Variants in LSR observed in about 807,000 individuals in gnomAD.
LSR encodes the protein lipolysis-stimulated lipoprotein receptor.
A neutral mutation model predicts 61.8 loss-of-function variants in LSR; 44 were observed. The observed-to-expected ratio is 0.71, with a 90% CI of 0.56 to 0.91. The LOEUF is 0.91. LSR is among the 40% of genes least tolerant of loss of function. LSR has a pLI of 0.00. For missense variants in LSR, 911 were observed against 830.5 expected (o/e 1.10, Z -1.19); for synonymous variants, 397 against 350.6 (o/e 1.13, Z -1.48).
intron 2 of LSR, 38 bp from the exon 3 acceptor site, chr19:35,258,906 GC>G (rs1166976566): frequency 6.2e-7 from 1 of 1,612,394 alleles, no homozygotes; most frequent in African/African-American, 1.3e-5. Flanking sequence ...AGGTGCCCCA[GC>G]CTCCAAGGTG....
At chr19:35,255,504 C>A (rs2065845392) in intron 2 of LSR, among the ~76,000 whole-genome samples, 1 of 152,152 alleles carries the variant, frequency 6.6e-6, no homozygotes, top group Non-Finnish European at 1.5e-5. Flanking sequence ...GTAATCCCAG[C>A]ACTTTGGGAG....
At chr19:35,252,561 ATCGCTTGAACCCAGGAGGCAGAGG>A (rs1454414381) in intron 2 of LSR, among the ~76,000 whole-genome samples, 1 of 149,596 alleles carries the variant, frequency 6.7e-6, no homozygotes, top group Admixed American at 6.7e-5. Flanking sequence ...AGGCATGAGA[ATCGCTTGAACCCAGGAGGCAGAGG>A]TTGCAGTGAG....
chr19:35,252,120 C>A (rs1388137651), intron 2 of LSR, among the ~76,000 whole-genome samples: 2 of 151,968 alleles, frequency 1.3e-5, no homozygotes, highest in Non-Finnish European at 2.9e-5. Flanking sequence ...AGGCGTGAGC[C>A]ACCGCGCCCG....
intron 5 of LSR, among the ~76,000 whole-genome samples, chr19:35,263,807 C>T (rs1281562333): frequency 6.6e-6 from 1 of 151,052 alleles, no homozygotes; most frequent in Non-Finnish European, 1.5e-5. Context: ...TAAACTTAAG[C>T]AAATTTTTTT....
At position 35,266,706 on chromosome 19, in the gene LSR, T is replaced by G; in HGVS notation, c.980T>G (p.Leu327Arg). ...SAGGQGSYVP[L>R]LRDTDSSVAS... ...GGTGGCCAAGGCTCCTATGTACCCC[T>G]GCTTCGGGACACGGACAGCAGTGTG... Residue 327 changes from leucine (L) to arginine (R), a missense_variant, in exon 7 of 10, where the codon CTG (leucine) becomes CGG (arginine). By Grantham distance (102) the Leu-to-Arg change is moderately radical. Transcript: ENST00000605618. The G allele has an allele frequency of 6.2e-7, 1 of 1,609,288 alleles. No individual in the cohort carries two copies. The highest frequency in any genetic ancestry group is 8.5e-7 in the Non-Finnish European group (1 of 1,178,176).
At chr19:35,256,613 T>C (rs970339812) in intron 2 of LSR, among the ~76,000 whole-genome samples, 3 of 152,240 alleles carry the variant, frequency 2.0e-5, no homozygotes, top group African/African-American at 7.2e-5. Flanking sequence ...GTCTAGAGGC[T>C]GCAGTTTGAG....
chr19:35,259,387 C>G (rs1292894466), intron 3 of LSR: 1 of 208,898 alleles, frequency 4.8e-6, no homozygotes, highest in African/African-American at 2.4e-5. Flanking sequence ...TGCCTGTAAT[C>G]CCAGCACTTT....
Position 35,250,543 on chromosome 19 carries a change from A to G in LSR, c.338A>G (p.Asn113Ser), listed in dbSNP as rs1234874281. The G allele has an allele frequency of 1.2e-6, 2 of 1,613,794 alleles. No individual in the cohort carries two copies. The highest frequency in any genetic ancestry group is 4.5e-5 in the East Asian group (2 of 44,886). Reference protein sequence around the residue: ...AQLAAGNPGYNPYVECQDSVR... With the variant: ...AQLAAGNPGYSPYVECQDSVR... ...CTGGCAGCCGGGAACCCAGGCTACAACCCCTACGTTGAGTGCCAGGACAGC... is the reference window on the plus strand; with the variant it reads ...CTGGCAGCCGGGAACCCAGGCTACAGCCCCTACGTTGAGTGCCAGGACAGC... The change falls in exon 2 of 10, where the codon AAC becomes AGC. Residue 113 changes from asparagine (N) to serine (S), a missense_variant. Asn to Ser is a conservative substitution (Grantham distance 46). Coordinates refer to ENST00000605618, the MANE Select transcript of LSR (RefSeq NM_205834.4).
rs201814864 is a variant in LSR at position 35,266,419 on chromosome 19, A to C, written c.839A>C (p.Tyr280Ser). Residue 280 changes from tyrosine (Y) to serine (S), a missense_variant, in exon 6 of 10, where the codon TAT (tyrosine) becomes TCT (serine). Transcript: ENST00000605618. ...GVPSIYAPST[Y>S]AHLSPAKTPP... ...CCCAGCATTTATGCCCCCAGCACCT[A>C]TGCCCACCTGTCTCCCGCCAAGACC... The C allele has an allele frequency of 1.8e-4, 290 of 1,611,788 alleles. No homozygotes were observed. The highest frequency in any genetic ancestry group is 2.3e-4 in the Admixed American group (14 of 59,750).
chr19:35,253,943 C>T (rs895288669), intron 2 of LSR, among the ~76,000 whole-genome samples: 3 of 152,166 alleles, frequency 2.0e-5, no homozygotes, highest in African/African-American at 7.2e-5. Flanking sequence ...AAACCACCCC[C>T]ACCTGGGCCT....
chr19:35,250,927 C>G (rs968682378), intron 2 of LSR, among the ~76,000 whole-genome samples: 1 of 151,838 alleles, frequency 6.6e-6, no homozygotes, highest in African/African-American at 2.4e-5. Context: ...TCCCGAGTAG[C>G]TGGGACTCCA....
At chr19:35,251,895 C>T (rs1214512411) in intron 2 of LSR, among the ~76,000 whole-genome samples, 2 of 139,764 alleles carry the variant, frequency 1.4e-5, no homozygotes, top group African/African-American at 5.4e-5. Flanking sequence ...AGTGCAGTGG[C>T]GGGATCTCGG....
Position 35,267,917 on chromosome 19 carries a change from G to T in LSR, c.*58G>T, listed in dbSNP as rs373904684. 1.2e-5 allele frequency: 19 copies of T among 1,576,596 alleles called. No individual in the cohort carries two copies. Among genetic ancestry groups the T allele is most frequent in the Admixed American group, 1.7e-5 (1 of 59,556 alleles). On this transcript the variant is annotated 3_prime_UTR_variant, in exon 10 of 10. Coordinates refer to ENST00000605618, the MANE Select transcript of LSR (RefSeq NM_205834.4). ...TTTTTTAATTTGAAGGAACACTGAT[G>T]AAGCCCTGCCATACCCCTCCCGAGT...
rs769980659 is a variant in LSR, at chr19:35,267,562, C to T, written c.1598C>T (p.Ser533Phe). Residue 533 changes from serine (S) to phenylalanine (F), a missense_variant, in exon 9 of 10, where the codon TCC becomes TTC. Ser to Phe is a radical substitution (Grantham distance 155). Coordinates refer to ENST00000605618, the MANE Select transcript of LSR (RefSeq NM_205834.4). ...TRDPRDNGSR[S>F]GDLPYDGRLL... ...GACCCTCGGGACAACGGCTCCAGGT[C>T]CGGGGACCTCCCCTATGATGGGCGG... 1.9e-6 allele frequency: 3 copies of T among 1,612,178 alleles called. No homozygotes were observed. The highest frequency in any genetic ancestry group is 2.5e-6 in the Non-Finnish European group (3 of 1,179,754).
chr19:35,259,727 A>C (rs1054309373), intron 3 of LSR, among the ~76,000 whole-genome samples: 1 of 152,054 alleles, frequency 6.6e-6, no homozygotes, highest in African/African-American at 2.4e-5. Context: ...CTCTTGCTAC[A>C]TCCCCAAGGC....
chr19:35,266,506 C>T lies in LSR; in HGVS notation c.926C>T (p.Pro309Leu), dbSNP rs749086435. 1.9e-6 allele frequency: 3 copies of T among 1,608,996 alleles called. No individual in the cohort carries two copies. Among genetic ancestry groups the T allele is most frequent in the Non-Finnish European group, 2.5e-6 (3 of 1,176,982 alleles). ...PAYNGYPGGY[P>L]GDVDRSSSAG... is the part of the protein sequence containing the mutation. ...TACAACGGGTACCCTGGAGGATACC[C>T]TGGAGACGTTGACAGGAGTAGCTCA... Residue 309 changes from proline to leucine, a missense_variant, in exon 6 of 10, where the codon CCT (proline) becomes CTT (leucine). Pro to Leu is a moderately conservative substitution (Grantham distance 98). Transcript: ENST00000605618.
Position 35,249,128 on chromosome 19 carries a change from A to T in LSR, c.106A>T (p.Thr36Ser). Residue 36 changes from threonine (T) to serine (S), a missense_variant, in exon 1 of 10, where the codon ACA (threonine) becomes TCA (serine). Transcript: ENST00000605618. ...FVWLLLSTWC[T>S]APARAIQVTV... ...GTGGCTTCTGCTTAGCACCTGGTGC[A>T]CAGGTACGGGGCACGGGGCCTCTGA... The T allele has an allele frequency of 6.5e-7, 1 of 1,540,290 alleles. No individual in the cohort carries two copies. The highest frequency in any genetic ancestry group is 8.7e-7 in the Non-Finnish European group (1 of 1,145,548).
chr19:35,260,852 A>G (rs2065918589), intron 3 of LSR, among the ~76,000 whole-genome samples: 1 of 151,998 alleles, frequency 6.6e-6, no homozygotes, highest in Non-Finnish European at 1.5e-5. Context: ...ACACACACAC[A>G]CACGCATATA....
rs780326812 is a variant in LSR at position 35,267,205 on chromosome 19, G to A, written c.1241G>A (p.Gly414Asp). The A allele has an allele frequency of 4.6e-6, 7 of 1,521,608 alleles. No individual in the cohort carries two copies. Among genetic ancestry groups the A allele is most frequent in the East Asian group, 2.3e-5 (1 of 44,024 alleles). The allele number at this position is 1,521,608 out of a possible 1,614,324, so 94.3% of individuals were successfully genotyped here. The change falls in exon 9 of 10, where the codon GGC (glycine) becomes GAC (aspartate). Residue 414 changes from glycine to aspartate, a missense_variant. By Grantham distance (94) the Gly-to-Asp change is moderately conservative. Transcript: ENST00000605618. ...LTPIRDEEWGGHSPRSPRGWD... is the reference protein window; with the variant it reads ...LTPIRDEEWGDHSPRSPRGWD... ...CCGATCCGGGATGAGGAGTGGGGTG[G>A]CCACTCCCCCCGGAGTCCCAGGGGA...
Sources: gnomAD v4.1 joint callset for allele counts (sites outside exome capture counted in the v4.1 genomes callset) on GRCh38, gnomAD v4.1.1 for gene constraint, MANE v1.5 for transcripts, NCBI Gene and HGNC (gene_info 2026-07-23, HGNC 2026-07-21) for gene names.